The following RPA2 variants were observed in gnomAD, a reference collection of about 807,000 sequenced individuals.
RPA2 encodes replication protein A2, also known as replication protein A 32 kDa subunit.
A neutral mutation model predicts 33.4 loss-of-function variants in RPA2; 22 were observed. That is an observed-to-expected ratio of 0.66 (90% confidence interval 0.47 to 0.94). The LOEUF (loss-of-function observed/expected upper bound fraction) is 0.94, where lower values mean the gene tolerates loss of function less well. Ranked by LOEUF, RPA2 falls within the 40% of genes least tolerant of loss-of-function variation. RPA2 has a pLI of 0.00. For missense variants in RPA2, 279 were observed against 329.9 expected, an observed-to-expected ratio of 0.85 and a Z score of 1.19; for synonymous variants, 109 against 114.9, an observed-to-expected ratio of 0.95 and a Z score of 0.33.
At chr1:27,906,323 C>G (rs184999887) in intron 4 of RPA2, among the ~76,000 whole-genome samples, 1 of 149,700 alleles carries the variant, frequency 6.7e-6, no homozygotes, top group South Asian at 2.1e-4. Context: ...GCTGAGATTG[C>G]GCCATTGCAC....
chr1:27,894,266 T>C, intron 7 of RPA2, 24 bp downstream of exon 7: 1 of 1,602,424 alleles, frequency 6.2e-7, no homozygotes, highest in Non-Finnish European at 8.5e-7. Context: ...TTTGTATTTC[T>C]GAAGCCACTC....
intron 6 of RPA2, among the ~76,000 whole-genome samples, chr1:27,896,516 G>T (rs539443424): frequency 6.6e-6 from 1 of 152,134 alleles, no homozygotes; most frequent in African/African-American, 2.4e-5. Context: ...CATGGTCCTA[G>T]ATGGACTTGT....
At chr1:27,897,191 T>A in intron 5 of RPA2, 70 bp from the exon 6 acceptor site, 1 of 1,022,618 alleles carries the variant, frequency 9.8e-7, no homozygotes, top group Non-Finnish European at 1.5e-6. Context: ...ACACTGTGGC[T>A]CTTTCCTTGG....
At chr1:27,897,396 T>G (rs191152317) in intron 5 of RPA2, among the ~76,000 whole-genome samples, 11 of 151,766 alleles carry the variant, frequency 7.2e-5, no homozygotes, top group Non-Finnish European at 2.9e-5. Flanking sequence ...CTCCAACTAA[T>G]GAACGCCACA....
chr1:27,898,048 T>C (rs2089915141), intron 4 of RPA2, among the ~76,000 whole-genome samples: 1 of 152,224 alleles, frequency 6.6e-6, no homozygotes, highest in Non-Finnish European at 1.5e-5. Context: ...TGGAGTGCAG[T>C]GGCACGATCT....
At chr1:27,911,344 A>T (rs2090093636) in intron 2 of RPA2, among the ~76,000 whole-genome samples, 1 of 152,118 alleles carries the variant, frequency 6.6e-6, no homozygotes, top group Non-Finnish European at 1.5e-5. Context: ...TGGGCAACAT[A>T]GTGACACCCT....
intron 2 of RPA2, among the ~76,000 whole-genome samples, chr1:27,909,609 GA>G (rs1422684565): frequency 6.6e-6 from 1 of 152,102 alleles, no homozygotes; most frequent in African/African-American, 2.4e-5. Context: ...AGCTACTGGG[GA>G]GGCTGAGGCA....
chr1:27,912,545 CA>C (rs913543763), intron 2 of RPA2, among the ~76,000 whole-genome samples: 2 of 150,568 alleles, frequency 1.3e-5, no homozygotes, highest in African/African-American at 2.4e-5. Flanking sequence ...GACCCTGTCT[CA>C]AAAAAAAAGG....
chr1:27,905,317 A>G (rs1022080477), intron 4 of RPA2, among the ~76,000 whole-genome samples: 2 of 152,112 alleles, frequency 1.3e-5, no homozygotes, highest in Non-Finnish European at 2.9e-5. Flanking sequence ...ATTTTGAGAC[A>G]GAGTCTTGCT....
At chr1:27,902,710 G>A (rs2089982564) in intron 4 of RPA2, among the ~76,000 whole-genome samples, 1 of 152,028 alleles carries the variant, frequency 6.6e-6, no homozygotes, top group Non-Finnish European at 1.5e-5. Context: ...TTGGGAGGCT[G>A]AGGTGGGAGG....
At position 27,903,612 on chromosome 1, in the gene RPA2, G is replaced by A. The variant is rs549313970; in HGVS notation, c.333+3316C>T. ...TGCACGCCTATAGTCCCAACTACTC[G>A]AGAGGCTGAGGCAGGAGAATCGCTT... On this transcript the variant is annotated intron_variant, in intron 4 of 8. Coordinates refer to ENST00000373912, the MANE Select transcript of RPA2 (RefSeq NM_002946.5). 7.9e-5 allele frequency among the ~76,000 whole-genome samples: 12 copies of A among 151,552 alleles called. No individual in the cohort carries two copies. In the East Asian group the frequency reaches 1.8e-3, roughly 22 times the overall value.
chr1:27,911,256 T>C (rs1032159662), intron 2 of RPA2, among the ~76,000 whole-genome samples: 2 of 151,866 alleles, frequency 1.3e-5, no homozygotes, highest in East Asian at 1.9e-4. Context: ...CCGGGTGTGG[T>C]GGCTCATGCC....
At chr1:27,897,158 G>T in intron 5 of RPA2, 37 bp from the exon 6 acceptor site, 1 of 1,395,572 alleles carries the variant, frequency 7.2e-7, no homozygotes, top group Non-Finnish European at 1.0e-6. Flanking sequence ...AATAAAATAT[G>T]AACATACATT....
intron 4 of RPA2, among the ~76,000 whole-genome samples, chr1:27,906,246 A>G (rs1185245666): frequency 6.6e-6 from 1 of 152,116 alleles, no homozygotes; most frequent in Non-Finnish European, 1.5e-5. Flanking sequence ...GGGTGCCTGT[A>G]ATCCCAGCTA....
chr1:27,908,256 T>C (rs2090055436), intron 2 of RPA2, among the ~76,000 whole-genome samples: 1 of 151,950 alleles, frequency 6.6e-6, no homozygotes, highest in African/African-American at 2.4e-5. Flanking sequence ...CCTGAGTAGC[T>C]GGGACTACAG....
At chr1:27,895,151 G>A (rs759025816) in intron 6 of RPA2, among the ~76,000 whole-genome samples, 21 of 152,198 alleles carry the variant, frequency 1.4e-4, no homozygotes, top group Middle Eastern at 3.4e-3. Context: ...CTCCCAAAAA[G>A]CTGACAGTGT....
intron 2 of RPA2, among the ~76,000 whole-genome samples, chr1:27,909,695 CAG>C (rs1486584192): frequency 6.6e-6 from 1 of 151,394 alleles, no homozygotes; most frequent in Non-Finnish European, 1.5e-5. Context: ...GCCTGGGCAA[CAG>C]AGACTCTCCT....
intron 4 of RPA2, among the ~76,000 whole-genome samples, chr1:27,902,737 AG>A (rs2089982793): frequency 1.3e-5 from 2 of 151,836 alleles, no homozygotes; most frequent in South Asian, 4.1e-4. Flanking sequence ...TAAACCCAGG[AG>A]TTTGAGACCA....
intron 2 of RPA2, among the ~76,000 whole-genome samples, chr1:27,909,051 G>A (rs1028926490): frequency 6.6e-6 from 1 of 152,158 alleles, no homozygotes; most frequent in African/African-American, 2.4e-5. Flanking sequence ...TCTGAAGCAC[G>A]AGAATTTCAA....
Sources: allele counts gnomAD v4.1 joint callset (sites outside exome capture counted in the v4.1 genomes callset), GRCh38; gene constraint gnomAD v4.1.1; transcripts MANE v1.5; gene names NCBI Gene and HGNC (gene_info 2026-07-23, HGNC 2026-07-21).